Variants in CDH8 observed in about 807,000 individuals in gnomAD.
CDH8 encodes the protein cadherin 8.
Under a neutral mutation model 68.1 loss-of-function variants are expected in CDH8, and 17 were observed. The ratio of observed to expected loss-of-function variants is 0.25; its 90% CI spans 0.17 to 0.37. The LOEUF (loss-of-function observed/expected upper bound fraction) is 0.37, where lower values mean the gene tolerates loss of function less well. CDH8 is among the 10% of genes least tolerant of loss of function. The pLI is 1.00. For synonymous variants in CDH8, 372 were observed against 365.1 expected, an observed-to-expected ratio of 1.02 and a Z score of -0.21; for missense variants, 763 against 999.3, an observed-to-expected ratio of 0.76 and a Z score of 3.19.
intron 7 of CDH8, among the ~76,000 whole-genome samples, chr16:61,812,418 T>C (rs190121085): frequency 5.3e-5 from 8 of 152,348 alleles, no homozygotes; most frequent in Non-Finnish European, 1.2e-4. Flanking sequence ...GACCTCCTAC[T>C]CTGCCTGCTG....
chr16:61,996,584 C>T (rs1439044997), intron 2 of CDH8, among the ~76,000 whole-genome samples: 1 of 151,976 alleles, frequency 6.6e-6, no homozygotes, highest in Non-Finnish European at 1.5e-5. Context: ...AAAACAGGGA[C>T]CTAGATAAGA....
intron 3 of CDH8, among the ~76,000 whole-genome samples, chr16:61,894,373 A>G (rs1032206255): frequency 1.3e-5 from 2 of 152,292 alleles, no homozygotes; most frequent in Non-Finnish European, 2.9e-5. Context: ...TAGATATGAT[A>G]CTTTTACTAA....
At chr16:62,026,618 T>C (rs1487975676) in intron 1 of CDH8, among the ~76,000 whole-genome samples, 1 of 152,220 alleles carries the variant, frequency 6.6e-6, no homozygotes, top group Non-Finnish European at 1.5e-5. Flanking sequence ...TATGCAATTT[T>C]ATATGATGTG....
chr16:61,796,029 G>T (rs1357422408), intron 7 of CDH8, among the ~76,000 whole-genome samples: 1 of 151,980 alleles, frequency 6.6e-6, no homozygotes. Context: ...GCATCACATA[G>T]ATTGTGAAGT....
At chr16:61,944,777 A>AAAAT (rs1167422302) in intron 2 of CDH8, among the ~76,000 whole-genome samples, 5 of 152,134 alleles carry the variant, frequency 3.3e-5, no homozygotes, top group Non-Finnish European at 5.9e-5. Flanking sequence ...CCCTATCTCC[A>AAAAT]AAATAAATAA....
chr16:61,703,308 T>A (rs910909684), intron 10 of CDH8, among the ~76,000 whole-genome samples: 1 of 152,110 alleles, frequency 6.6e-6, no homozygotes, highest in Non-Finnish European at 1.5e-5. Context: ...CTTCCCTACC[T>A]ACTCAACATG....
intron 10 of CDH8, among the ~76,000 whole-genome samples, chr16:61,701,828 T>C (rs979578241): frequency 5.3e-5 from 8 of 152,232 alleles, no homozygotes; most frequent in African/African-American, 1.9e-4. Flanking sequence ...GGGCGCACCA[T>C]TGTTGTTGTC....
chr16:61,970,792 G>A (rs1340150225), intron 2 of CDH8, among the ~76,000 whole-genome samples: 2 of 152,182 alleles, frequency 1.3e-5, no homozygotes, highest in Non-Finnish European at 1.5e-5. Context: ...CCCCTGTCAG[G>A]CCTCTGAGCC....
intron 7 of CDH8, among the ~76,000 whole-genome samples, chr16:61,809,016 G>C (rs986362272): frequency 6.6e-6 from 1 of 152,002 alleles, no homozygotes; most frequent in Admixed American, 6.6e-5. Context: ...AGAAACCCCC[G>C]TCTCTACTAA....
intron 2 of CDH8, among the ~76,000 whole-genome samples, chr16:61,960,957 G>C (rs1007045953): frequency 6.6e-6 from 1 of 152,132 alleles, no homozygotes; most frequent in African/African-American, 2.4e-5. Context: ...TGGGCTCCCT[G>C]CTTCTCCTCC....
chr16:62,026,834 C>A (rs1350062231), intron 1 of CDH8, among the ~76,000 whole-genome samples: 1 of 152,184 alleles, frequency 6.6e-6, no homozygotes, highest in Non-Finnish European at 1.5e-5. Flanking sequence ...CTGCCATGGG[C>A]AGACTAACAC....
At chr16:61,956,159 T>C (rs979514104) in intron 2 of CDH8, among the ~76,000 whole-genome samples, 2 of 152,184 alleles carry the variant, frequency 1.3e-5, no homozygotes, top group African/African-American at 4.8e-5. Flanking sequence ...CCCTGTAAAC[T>C]AGTTGTCAAA....
chr16:61,797,657 A>G (rs74023251), intron 7 of CDH8, among the ~76,000 whole-genome samples: 1 of 152,118 alleles, frequency 6.6e-6, no homozygotes, highest in South Asian at 2.1e-4. Flanking sequence ...AAAACATGGC[A>G]TCACAGTGAG....
At chr16:61,939,406 AG>A (rs561786186) in intron 2 of CDH8, among the ~76,000 whole-genome samples, 56 of 152,186 alleles carry the variant, frequency 3.7e-4, no homozygotes, top group Non-Finnish European at 6.5e-4. Flanking sequence ...CAAAGCTTGA[AG>A]ATGGGGAAGC....
chr16:61,649,371 A>G lies in CDH8; in HGVS notation c.*4237T>C, dbSNP rs1963271706. The G allele has an allele frequency of 6.6e-6, 1 of 151,746 alleles. No individual in the cohort carries two copies. The highest frequency in any genetic ancestry group is 2.4e-5 in the African/African-American group (1 of 41,358). The allele number at this position is 151,746 out of a possible 1,614,324, so 9.4% of individuals were successfully genotyped here. A position where few individuals can be genotyped will look rare whatever the true frequency, so the allele number is the denominator to read the frequency against. On this transcript the variant is annotated 3_prime_UTR_variant, in exon 12 of 12. Transcript: ENST00000577390. Reference sequence around the variant, plus strand: ...GTGAGATTATGAGATGAAAAATTAAAACTATAAATTATCCCCAGTAACTGA... The same window carrying G: ...GTGAGATTATGAGATGAAAAATTAAGACTATAAATTATCCCCAGTAACTGA...
At chr16:61,831,648 T>C (rs1335849971) in intron 4 of CDH8, among the ~76,000 whole-genome samples, 1 of 151,826 alleles carries the variant, frequency 6.6e-6, no homozygotes, top group African/African-American at 2.4e-5. Flanking sequence ...GCATTTTGTA[T>C]CCGTCACGAA....
At chr16:61,926,447 A>AT (rs1436155610) in intron 2 of CDH8, among the ~76,000 whole-genome samples, 1 of 152,140 alleles carries the variant, frequency 6.6e-6, no homozygotes, top group Non-Finnish European at 1.5e-5. Context: ...ACACCTTCAA[A>AT]TTAACACCCT....
intron 2 of CDH8, among the ~76,000 whole-genome samples, chr16:61,938,270 T>C (rs529396744): frequency 6.6e-6 from 1 of 152,270 alleles, no homozygotes; most frequent in African/African-American, 2.4e-5. Flanking sequence ...ATGGCATTTC[T>C]TTTAAAATAT....
intron 1 of CDH8, among the ~76,000 whole-genome samples, chr16:62,023,522 A>G (rs1196336241): frequency 3.3e-5 from 5 of 152,204 alleles, no homozygotes; most frequent in Non-Finnish European, 7.3e-5. Context: ...CATGGGAAAT[A>G]CTTGGTAAAC....
Sources: allele counts gnomAD v4.1 joint callset (sites outside exome capture counted in the v4.1 genomes callset), GRCh38; gene constraint gnomAD v4.1.1; transcripts MANE v1.5; gene names NCBI Gene and HGNC (gene_info 2026-07-23, HGNC 2026-07-21).